Variants in STX11 observed in about 807,000 individuals in gnomAD.
STX11 encodes syntaxin 11.
Under a neutral mutation model 19.9 loss-of-function variants are expected in STX11, and 21 were observed. That is an observed-to-expected ratio of 1.06 (90% CI 0.75 to 1.52). The LOEUF is 1.52. Ranked by LOEUF, STX11 falls within the 40% of genes most tolerant of loss-of-function variation. The pLI, the probability that STX11 is intolerant of heterozygous loss-of-function variation, is 0.00. For missense variants in STX11, 438 were observed against 405.9 expected, an observed-to-expected ratio of 1.08 and a Z score of -0.68; for synonymous variants, 193 against 174.4, an observed-to-expected ratio of 1.11 and a Z score of -0.84.
chr6:144,186,571 CAAATAT>C, intron 1 of STX11, 46 bp from the exon 2 acceptor site: 1 of 1,612,024 alleles, frequency 6.2e-7, no homozygotes, highest in South Asian at 1.1e-5. Context: ...CCCTTGAAGG[CAAATAT>C]TTGACTCTCA....
chr6:144,140,209 CATATATATAT>C, the STX11 span, among the ~76,000 whole-genome samples: 303 of 44,428 alleles, frequency 6.8e-3, 2 homozygotes, highest in Middle Eastern at 0.016. Context: ...GGTCAATTCA[CATATATATAT>C]ATATATATAT....
intron 1 of STX11, among the ~76,000 whole-genome samples, chr6:144,161,039 G>C (rs1384959812): frequency 6.6e-6 from 1 of 152,158 alleles, no homozygotes; most frequent in African/African-American, 2.4e-5. Context: ...CTAGACATCT[G>C]TTCTTGCACT....
At position 144,186,835 on chromosome 6, in the gene STX11, G is replaced by A; in HGVS notation, c.208G>A (p.Ala70Thr). The A allele has an allele frequency of 6.2e-7, 1 of 1,613,112 alleles. No homozygotes were observed. Among genetic ancestry groups the A allele is most frequent in the Middle Eastern group, 1.6e-4 (1 of 6,062 alleles). Residue 70 changes from alanine (A) to threonine (T), a missense_variant, in exon 2 of 2, where the codon GCC becomes ACC. Transcript: ENST00000367568. Reference protein sequence around the residue: ...ADVKRLGKQNARFLTSMRRLS... With the variant: ...ADVKRLGKQNTRFLTSMRRLS... ...CGTGAAGCGGCTGGGAAAGCAGAACGCCCGCTTCCTCACGTCCATGCGGCG... is the reference window on the plus strand; with the variant it reads ...CGTGAAGCGGCTGGGAAAGCAGAACACCCGCTTCCTCACGTCCATGCGGCG...
chr6:144,166,980 GCCC>G (rs1398413586), intron 1 of STX11, among the ~76,000 whole-genome samples: 2 of 152,024 alleles, frequency 1.3e-5, no homozygotes, highest in African/African-American at 4.8e-5. Context: ...TTGCCCTGTG[GCCC>G]TGCATCTCTG....
rs1232040474 is a variant in STX11 at position 144,175,246 on chromosome 6, CAAT to C, written c.-5-11367_-5-11365del. Among the ~76,000 whole-genome samples the C allele has an allele frequency of 6.6e-6, 1 of 151,998 alleles. No homozygotes were observed. ...CAACAGAGCGAGACCCTGTGTCAAA[CAAT>C]AATAATAATGATAATATAGTAAAAT... On this transcript the variant is annotated intron_variant, in intron 1 of 1. Coordinates refer to ENST00000367568, the MANE Select transcript of STX11 (RefSeq NM_003764.4). This position sits in a 1 kb window ranked among gnomAD's most constrained non-coding sequence, Gnocchi z 5.1.
chr6:144,146,993 CTCTT>C, upstream of STX11, among the ~76,000 whole-genome samples: 2 of 152,246 alleles, frequency 1.3e-5, no homozygotes, highest in Non-Finnish European at 2.9e-5. This position sits in a 1 kb window ranked among gnomAD's most constrained non-coding sequence, Gnocchi z 4.4. Flanking sequence ...CAGGGATGAA[CTCTT>C]TCTTCTGTTT....
chr6:144,187,290 C>G lies in STX11; in HGVS notation c.663C>G (p.Ile221Met). The change falls in exon 2 of 2, where the codon ATC (isoleucine) becomes ATG (methionine). Residue 221 changes from isoleucine (I) to methionine (M), a missense_variant. By Grantham distance (10) the Ile-to-Met change is conservative. Transcript: ENST00000367568. The surrounding 1 kb of genome is among the most constrained non-coding windows in gnomAD (Gnocchi z 5.6). ...AACTGCTGCGCCTGGAGAGCCGCAT[C>G]CGCGACGTACACGAGCTCTTCTTGC... ...HRELLRLESR[I>M]RDVHELFLQM... is the part of the protein sequence containing the mutation. 6.2e-7 allele frequency: 1 copy of G among 1,612,968 alleles called. No homozygotes were observed. Among genetic ancestry groups the G allele is most frequent in the Non-Finnish European group, 8.5e-7 (1 of 1,179,972 alleles).
chr6:144,183,509 C>A lies in STX11; in HGVS notation c.-5-3114C>A, dbSNP rs1315113349. ...AAAGCTTTTGATACATATTACTAAACTGACTTCCAGAAAGATTCTATCAAT... is the reference window on the plus strand; with the variant it reads ...AAAGCTTTTGATACATATTACTAAAATGACTTCCAGAAAGATTCTATCAAT... On this transcript the variant is annotated intron_variant, in intron 1 of 1. Transcript: ENST00000367568. This position sits in a 1 kb window ranked among gnomAD's most constrained non-coding sequence, Gnocchi z 4.6. Among the ~76,000 whole-genome samples, 11 of 152,294 alleles carry A rather than the reference C, an allele frequency of 7.2e-5. No homozygotes were observed. Among genetic ancestry groups the A allele is most frequent in the African/African-American group, 2.6e-4 (11 of 41,562 alleles).
Position 144,186,992 on chromosome 6 carries a change from C to T in STX11, c.365C>T (p.Ser122Leu), listed in dbSNP as rs1279200301. Residue 122 changes from serine to leucine, a missense_variant, in exon 2 of 2, where the codon TCG (serine) becomes TTG (leucine). Coordinates refer to ENST00000367568, the MANE Select transcript of STX11 (RefSeq NM_003764.4). The stretch of plus-strand genomic sequence containing the variant: ...GCTGAGGCCCAGCACGGCCCGCACT[C>T]GGCAGTGGCGCGCATTTCGCGGGCG... Reference protein sequence around the residue: ...EAAEAQHGPHSAVARISRAQY... With the variant: ...EAAEAQHGPHLAVARISRAQY... 6 of 1,609,732 alleles carry T rather than the reference C, an allele frequency of 3.7e-6. No individual in the cohort carries two copies. Among genetic ancestry groups the T allele is most frequent in the South Asian group, 3.3e-5 (3 of 91,002 alleles).
rs902146667 is a variant in STX11 at position 144,169,470 on chromosome 6, T to C, written c.-5-17153T>C. ...AGCCTTTTGATTATTTACAGTTTCC[T>C]TCAATTTTCAGTTCACTGTGATAGA... On this transcript the variant is annotated intron_variant, in intron 1 of 1. Transcript: ENST00000367568. The surrounding 1 kb of genome is among the most constrained non-coding windows in gnomAD (Gnocchi z 5.2). 1.3e-5 allele frequency among the ~76,000 whole-genome samples: 2 copies of C among 152,296 alleles called. No individual in the cohort carries two copies. Among genetic ancestry groups the C allele is most frequent in the Non-Finnish European group, 2.9e-5 (2 of 68,020 alleles).
In STX11 at chr6:144,167,386, C is replaced by T. The variant is rs532733290; in HGVS notation, c.-6+16683C>T. On this transcript the variant is annotated intron_variant, in intron 1 of 1. Transcript: ENST00000367568. This position sits in a 1 kb window ranked among gnomAD's most constrained non-coding sequence, Gnocchi z 5.0. ...TGGGGATAAGACCCAAATCTAAACACGAAATTTATGTTTCATATATACCTA... is the reference window on the plus strand; with the variant it reads ...TGGGGATAAGACCCAAATCTAAACATGAAATTTATGTTTCATATATACCTA... Among the ~76,000 whole-genome samples the T allele has an allele frequency of 2.9e-4, 44 of 152,146 alleles. No individual in the cohort carries two copies. Among genetic ancestry groups the T allele is most frequent in the African/African-American group, 8.2e-4 (34 of 41,486 alleles).
At chr6:144,141,720 C>A in the STX11 span, among the ~76,000 whole-genome samples, 1 of 151,782 alleles carries the variant, frequency 6.6e-6, no homozygotes, top group African/African-American at 2.4e-5. Context: ...ATTCCATTGT[C>A]CAGGCTGGAG....
rs1800975209 is a variant in STX11 at position 144,150,583 on chromosome 6, G to T, written c.-126G>T. ...GAACTCAGCCTCGGCCGCAGGAGGC[G>T]CCGGGAGCGGAGCCGCCGGGAGTCG... On this transcript the variant is annotated 5_prime_UTR_variant, in exon 1 of 2. Transcript: ENST00000367568. The T allele has an allele frequency of 2.0e-6, 2 of 985,334 alleles. No individual in the cohort carries two copies. The highest frequency in any genetic ancestry group is 6.1e-5 in the Admixed American group (1 of 16,268). The allele number at this position is 985,334 out of a possible 1,614,324, so 61.0% of individuals were successfully genotyped here. A position where few individuals can be genotyped will look rare whatever the true frequency, so the allele number is the denominator to read the frequency against.
In STX11 at chr6:144,182,138, AC is replaced by A. The variant is rs1214243220; in HGVS notation, c.-5-4484del. 6.6e-6 allele frequency among the ~76,000 whole-genome samples: 1 copy of A among 152,140 alleles called. No homozygotes were observed. The highest frequency in any genetic ancestry group is 1.5e-5 in the Non-Finnish European group (1 of 68,012). Reference sequence around the variant, plus strand: ...ATTTACCATAGTTCTCTTTCTAGGAACTCATAGTACAGAATCAAGCTATGGG... The same window carrying A: ...ATTTACCATAGTTCTCTTTCTAGGAATCATAGTACAGAATCAAGCTATGGG... On this transcript the variant is annotated intron_variant, in intron 1 of 1. Transcript: ENST00000367568. The surrounding 1 kb of genome is among the most constrained non-coding windows in gnomAD (Gnocchi z 4.8).
upstream of STX11, among the ~76,000 whole-genome samples, chr6:144,145,622 A>G (rs1207978412): frequency 1.3e-5 from 2 of 152,262 alleles, no homozygotes; most frequent in African/African-American, 2.4e-5. Flanking sequence ...CCTGGAGGAC[A>G]TTATGTTAAG....
At chr6:144,171,512 C>A (rs1239550162) in intron 1 of STX11, among the ~76,000 whole-genome samples, 1 of 152,144 alleles carries the variant, frequency 6.6e-6, no homozygotes, top group Non-Finnish European at 1.5e-5. Context: ...TTCAAACTAT[C>A]CACTTCCATT....
At chr6:144,156,584 A>G (rs1440757551) in intron 1 of STX11, among the ~76,000 whole-genome samples, 1 of 152,240 alleles carries the variant, frequency 6.6e-6, no homozygotes, top group East Asian at 1.9e-4. Flanking sequence ...CTATGGAAAC[A>G]GTAAGCAAGT....
Position 144,184,070 on chromosome 6 carries a change from C to T in STX11, c.-5-2553C>T, listed in dbSNP as rs1584056456. On this transcript the variant is annotated intron_variant, in intron 1 of 1. Transcript: ENST00000367568. The surrounding 1 kb of genome is among the most constrained non-coding windows in gnomAD (Gnocchi z 6.5). ...CTGCAAAGAACATGATCTCATTCCT[C>T]TTTATGGCTGTATAGTACAGTCTAA... Among the ~76,000 whole-genome samples, 1 of 152,170 alleles carries T rather than the reference C, an allele frequency of 6.6e-6. No homozygotes were observed. The highest frequency in any genetic ancestry group is 2.1e-4 in the South Asian group (1 of 4,828).
chr6:144,187,451 G>C lies in STX11; in HGVS notation c.824G>C (p.Cys275Ser). Residue 275 changes from cysteine (C) to serine (S), a missense_variant, in exon 2 of 2, where the codon TGC (cysteine) becomes TCC (serine). Transcript: ENST00000367568. The surrounding 1 kb of genome is among the most constrained non-coding windows in gnomAD (Gnocchi z 5.6). ...GTGCAGTACGAGGAGAAGAACCCCT[G>C]CCGGACCCTCTGCTGCTTCTGCTGT... ...KAVQYEEKNP[C>S]RTLCCFCCPC... 6.2e-7 allele frequency: 1 copy of C among 1,612,422 alleles called. No homozygotes were observed. The highest frequency in any genetic ancestry group is 8.5e-7 in the Non-Finnish European group (1 of 1,179,960).
Sources: gnomAD v4.1 joint callset for allele counts (sites outside exome capture counted in the v4.1 genomes callset) on GRCh38, gnomAD v4.1.1 for gene constraint, Gnocchi (gnomAD v3.1) non-coding constraint, MANE v1.5 for transcripts, NCBI Gene and HGNC (gene_info 2026-07-23, HGNC 2026-07-21) for gene names.